Variants in MEI1 observed in about 807,000 individuals in gnomAD.
The protein encoded by MEI1 is meiosis inhibitor protein 1.
A neutral mutation model predicts 146.2 loss-of-function variants in MEI1; 103 were observed. That is an observed-to-expected ratio of 0.70 (90% confidence interval 0.60 to 0.83). The LOEUF is 0.83. MEI1 is among the 40% of genes least tolerant of loss of function. MEI1 has a pLI of 0.00. For synonymous variants in MEI1, 652 were observed against 628.2 expected (o/e 1.04, Z -0.57); for missense variants, 1,529 against 1,533.0 (o/e 1.00, Z 0.04).
intron 3 of MEI1, among the ~76,000 whole-genome samples, chr22:41,710,353 T>C (rs2069440733): frequency 6.6e-6 from 1 of 152,206 alleles, no homozygotes; most frequent in Non-Finnish European, 1.5e-5. Flanking sequence ...GAAGCCCTAG[T>C]GAGCTATTAT....
chr22:41,790,742 C>T (rs761521953), intron 26 of MEI1, among the ~76,000 whole-genome samples: 6 of 151,998 alleles, frequency 3.9e-5, no homozygotes, highest in Middle Eastern at 3.2e-3. Context: ...TACAGGCTCC[C>T]GCCACCATGT....
chr22:41,728,583 G>C (rs1000707933), intron 7 of MEI1, among the ~76,000 whole-genome samples: 9 of 152,004 alleles, frequency 5.9e-5, no homozygotes, highest in African/African-American at 1.9e-4. Context: ...AAATGAGCTG[G>C]GGCTGAGCAT....
intron 19 of MEI1, among the ~76,000 whole-genome samples, chr22:41,768,655 A>G (rs1188253621): frequency 6.6e-6 from 1 of 152,152 alleles, no homozygotes; most frequent in Non-Finnish European, 1.5e-5. Context: ...GGAAGCTGGC[A>G]TATCTTATAT....
intron 11 of MEI1, among the ~76,000 whole-genome samples, chr22:41,734,129 A>AAAAATAAAAT (rs57256126): frequency 0.028 from 4,273 of 150,894 alleles, 212 homozygotes; most frequent in African/African-American, 0.1. Flanking sequence ...TTCTGTCTCA[A>AAAAATAAAAT]AAAATAAAAT....
chr22:41,781,185 C>T (rs985587858), intron 22 of MEI1, 99 bp from the exon 23 acceptor site: 26 of 813,378 alleles, frequency 3.2e-5, no homozygotes, highest in Admixed American at 1.6e-4. Flanking sequence ...TGTGCTTGCT[C>T]CCCAAGACTG....
intron 19 of MEI1, among the ~76,000 whole-genome samples, chr22:41,767,305 C>T (rs1055914991): frequency 6.6e-6 from 1 of 152,222 alleles, no homozygotes; most frequent in African/African-American, 2.4e-5. Flanking sequence ...GGCAGGACTC[C>T]TGGGTCCACA....
intron 28 of MEI1, among the ~76,000 whole-genome samples, chr22:41,794,886 T>C (rs1036456237): frequency 1.3e-5 from 2 of 152,198 alleles, no homozygotes; most frequent in Admixed American, 6.5e-5. Context: ...ACACAGTAAG[T>C]GCCCCTTGAA....
rs55638148 is a variant in MEI1 at position 41,714,230 on chromosome 22, G to A, written c.423+155G>A. Among the ~76,000 whole-genome samples, 1,244 of 152,220 alleles carry A rather than the reference G, an allele frequency of 8.2e-3. 6 individuals carry two copies. Among genetic ancestry groups the A allele is most frequent in the Non-Finnish European group, 0.013 (912 of 68,000 alleles). On this transcript the variant is annotated intron_variant, in intron 4 of 30. Transcript: ENST00000401548. ...TGGCAGAGTCAGAGCTAAGGCCTGGGTCCACTGATCATGCTCCAGTGTTCT... is the reference window on the plus strand; with the variant it reads ...TGGCAGAGTCAGAGCTAAGGCCTGGATCCACTGATCATGCTCCAGTGTTCT...
intron 2 of MEI1, among the ~76,000 whole-genome samples, chr22:41,703,685 T>C (rs1036343934): frequency 6.6e-6 from 1 of 152,048 alleles, no homozygotes; most frequent in Non-Finnish European, 1.5e-5. Context: ...AGTAAGAAGA[T>C]GAAAATGGGA....
chr22:41,762,281 C>T (rs1193513335), intron 18 of MEI1, among the ~76,000 whole-genome samples: 1 of 151,772 alleles, frequency 6.6e-6, no homozygotes. Context: ...CCTGTCCTAT[C>T]CTGTCCTTTC....
rs8139864 is a variant in MEI1 at position 41,738,782 on chromosome 22, T to A, written c.1332-4298T>A. ...CAAGACTCTGTCTCAAAAAAAAAAA[T>A]AAATAAATAAATAAGTAATAAAATA... is the stretch of plus-strand genomic sequence containing the variant. On this transcript the variant is annotated intron_variant, in intron 11 of 30. Coordinates refer to ENST00000401548, the MANE Select transcript of MEI1 (RefSeq NM_152513.4). Among the ~76,000 whole-genome samples the A allele has an allele frequency of 3.3e-3, 410 of 125,840 alleles. 1 individual carries two copies. The highest frequency in any genetic ancestry group is 0.012 in the African/African-American group (350 of 29,198). 82.6% of individuals were successfully genotyped at this position (125,840 alleles called of 152,430 possible).
intron 24 of MEI1, among the ~76,000 whole-genome samples, chr22:41,784,117 G>A (rs975049830): frequency 1.3e-5 from 2 of 152,218 alleles, no homozygotes; most frequent in East Asian, 1.9e-4. Flanking sequence ...TGAGGATGGG[G>A]GAGATTTGGA....
intron 6 of MEI1, among the ~76,000 whole-genome samples, 155 bp from the exon 7 acceptor site, chr22:41,723,788 G>T (rs1055681853): frequency 1.3e-5 from 2 of 152,140 alleles, no homozygotes; most frequent in Non-Finnish European, 2.9e-5. Flanking sequence ...AGAGAGTCGG[G>T]TGCAAAAAGC....
At position 41,793,933 on chromosome 22, in the gene MEI1, G is replaced by C. The variant is rs1181978533; in HGVS notation, c.3427+23G>C. ...TTGGTAGAAACTCTCCACATTATCT[G>C]ATGTTCCCATGAGAGAGATTAGAGG... is the stretch of plus-strand genomic sequence containing the variant. On this transcript the variant is annotated intron_variant, in intron 27 of 30. Coordinates refer to ENST00000401548, the MANE Select transcript of MEI1 (RefSeq NM_152513.4). 6 of 1,598,486 alleles carry C rather than the reference G, an allele frequency of 3.8e-6. No individual in the cohort carries two copies. In the South Asian group the frequency reaches 6.7e-5, roughly 18 times the overall value.
chr22:41,766,741 G>A (rs986926432), intron 19 of MEI1, among the ~76,000 whole-genome samples: 1 of 151,042 alleles, frequency 6.6e-6, no homozygotes, highest in Non-Finnish European at 1.5e-5. Context: ...CTGTAGAGAC[G>A]GACTGGTCTC....
chr22:41,747,989 CT>C (rs964948618), intron 14 of MEI1, 117 bp from the exon 15 acceptor site: 2 of 695,120 alleles, frequency 2.9e-6, no homozygotes, highest in African/African-American at 3.6e-5. Flanking sequence ...AGTTCCCTAG[CT>C]TTTGTTGTGT....
intron 17 of MEI1, among the ~76,000 whole-genome samples, chr22:41,755,691 A>G (rs980706753): frequency 1.3e-5 from 2 of 152,200 alleles, no homozygotes; most frequent in African/African-American, 4.8e-5. Context: ...CACATCTCTC[A>G]TAACATTCAG....
At chr22:41,784,146 G>T (rs1045552142) in intron 24 of MEI1, among the ~76,000 whole-genome samples, 193 bp from the exon 25 acceptor site, 1 of 152,194 alleles carries the variant, frequency 6.6e-6, no homozygotes, top group Admixed American at 6.5e-5. Flanking sequence ...AGTTCTCCAG[G>T]TTCGGACTTG....
At chr22:41,739,140 C>A (rs1308860596) in intron 11 of MEI1, among the ~76,000 whole-genome samples, 13 of 143,668 alleles carry the variant, frequency 9.0e-5, no homozygotes, top group East Asian at 4.4e-4. Flanking sequence ...ACTAAAAATA[C>A]AAAAAAAAAA....
Sources: gnomAD v4.1 joint callset for allele counts (sites outside exome capture counted in the v4.1 genomes callset) on GRCh38, gnomAD v4.1.1 for gene constraint, MANE v1.5 for transcripts, NCBI Gene and HGNC (gene_info 2026-07-23, HGNC 2026-07-21) for gene names.